The following AGBL1 variants were observed in gnomAD, a reference collection of about 807,000 sequenced individuals.
AGBL1 encodes the protein AGBL carboxypeptidase 1, also known as cytosolic carboxypeptidase 4.
AGBL1 carries 130 observed loss-of-function variants against 118.9 expected under a neutral mutation model. The ratio of observed to expected loss-of-function variants is 1.09; its 90% confidence interval spans 0.95 to 1.26. The LOEUF (loss-of-function observed/expected upper bound fraction) is 1.26, where lower values mean the gene tolerates loss of function less well. AGBL1 is among the 50% of genes most tolerant of loss of function. The pLI is 0.00. For synonymous variants in AGBL1, 555 were observed against 478.9 expected (o/e 1.16, Z -2.08); for missense variants, 1,584 against 1,298.1 (o/e 1.22, Z -3.38).
chr15:86,170,199 G>C (rs185255422), intron 5 of AGBL1, among the ~76,000 whole-genome samples: 1 of 152,342 alleles, frequency 6.6e-6, no homozygotes. Flanking sequence ...AACCTCTGGA[G>C]ATGAAATCTA....
At chr15:86,510,559 A>C (rs1156722129) in intron 18 of AGBL1, among the ~76,000 whole-genome samples, 2 of 152,124 alleles carry the variant, frequency 1.3e-5, no homozygotes, top group Non-Finnish European at 2.9e-5. Context: ...GAAGACTAGA[A>C]GTTCTATTGC....
At chr15:86,181,038 C>T (rs903755455) in intron 5 of AGBL1, among the ~76,000 whole-genome samples, 8 of 152,076 alleles carry the variant, frequency 5.3e-5, no homozygotes, top group Non-Finnish European at 7.4e-5. Flanking sequence ...CAAAGAAGAA[C>T]ACCAACACTC....
intron 17 of AGBL1, among the ~76,000 whole-genome samples, chr15:86,377,386 G>A (rs2081054735): frequency 6.6e-6 from 1 of 152,188 alleles, no homozygotes; most frequent in Admixed American, 6.5e-5. Flanking sequence ...CAGAATCAGA[G>A]CAGAGGGAGC....
chr15:86,694,516 A>C, intron 22 of AGBL1, among the ~76,000 whole-genome samples: 1 of 151,998 alleles, frequency 6.6e-6, no homozygotes, highest in East Asian at 1.9e-4. Context: ...AGGGTTTTGT[A>C]GGTATACGAT....
At chr15:87,018,050 A>AAAT (rs3030323) in intron 24 of AGBL1, among the ~76,000 whole-genome samples, 81,846 of 151,082 alleles carry the variant, frequency 0.54, 24,617 homozygotes, top group South Asian at 0.72. Context: ...TATCTTTCTA[A>AAAT]AATAGGCAGA....
At chr15:86,219,420 C>T (rs1396547907) in intron 5 of AGBL1, among the ~76,000 whole-genome samples, 1 of 152,166 alleles carries the variant, frequency 6.6e-6, no homozygotes. Flanking sequence ...TACTTTATCT[C>T]ACTCTTCACA....
At chr15:86,431,135 C>T (rs532724752) in intron 18 of AGBL1, among the ~76,000 whole-genome samples, 7 of 152,064 alleles carry the variant, frequency 4.6e-5, no homozygotes, top group South Asian at 2.2e-4. Flanking sequence ...GCTAACCCTT[C>T]GTAAGATCCC....
At chr15:86,115,826 G>T (rs1397405973) in intron 1 of AGBL1, among the ~76,000 whole-genome samples, 2 of 152,144 alleles carry the variant, frequency 1.3e-5, no homozygotes, top group East Asian at 3.9e-4. Context: ...ACTTTTCCAT[G>T]AAACTCCAGA....
chr15:86,152,204 T>C (rs1040532327), intron 3 of AGBL1, among the ~76,000 whole-genome samples: 2 of 152,192 alleles, frequency 1.3e-5, no homozygotes, highest in Non-Finnish European at 2.9e-5. Flanking sequence ...AGAGCATGCA[T>C]TGCCAAGACA....
chr15:86,272,501 T>C (rs2079177563), intron 15 of AGBL1, among the ~76,000 whole-genome samples: 1 of 152,216 alleles, frequency 6.6e-6, no homozygotes, highest in Non-Finnish European at 1.5e-5. Flanking sequence ...GTTTCATCTC[T>C]TTCTGAAATT....
At chr15:86,353,585 A>C (rs1218615002) in intron 17 of AGBL1, among the ~76,000 whole-genome samples, 1 of 152,188 alleles carries the variant, frequency 6.6e-6, no homozygotes, top group Non-Finnish European at 1.5e-5. Flanking sequence ...ATTATTTTGC[A>C]GTGTGTGTGA....
At chr15:86,887,786 T>C (rs2079991366) in intron 22 of AGBL1, among the ~76,000 whole-genome samples, 1 of 151,984 alleles carries the variant, frequency 6.6e-6, no homozygotes, top group Non-Finnish European at 1.5e-5. Context: ...TCAAAGGACT[T>C]CGACAATTCT....
At chr15:86,845,281 A>G (rs1211836445) in intron 22 of AGBL1, among the ~76,000 whole-genome samples, 1 of 152,116 alleles carries the variant, frequency 6.6e-6, no homozygotes, top group Non-Finnish European at 1.5e-5. Flanking sequence ...TAATACATGA[A>G]TAAGGGTGGT....
intron 22 of AGBL1, among the ~76,000 whole-genome samples, chr15:86,730,155 A>C (rs1252637387): frequency 3.3e-5 from 5 of 152,198 alleles, no homozygotes; most frequent in African/African-American, 1.2e-4. Flanking sequence ...TAAATGTAAG[A>C]TCTCGAATTA....
At chr15:86,957,861 G>A (rs1328848373) in intron 23 of AGBL1, among the ~76,000 whole-genome samples, 7 of 151,802 alleles carry the variant, frequency 4.6e-5, no homozygotes, top group Non-Finnish European at 1.0e-4. Flanking sequence ...TCTAAAATTC[G>A]TATGGAATAA....
intron 22 of AGBL1, among the ~76,000 whole-genome samples, chr15:86,676,783 C>T (rs2085856559): frequency 1.3e-5 from 2 of 152,048 alleles, no homozygotes; most frequent in African/African-American, 2.4e-5. Context: ...GGTGAGGGGG[C>T]TCTTCTCCAA....
At position 86,912,134 on chromosome 15, in the gene AGBL1, T is replaced by C. The variant is rs1288757081; in HGVS notation, c.*4840T>C. Reference sequence around the variant, plus strand: ...CCATCTCAAAGAAGAGTTTGTGTTATAGACAGGGAAACACAAAGAAGAGTT... The same window carrying C: ...CCATCTCAAAGAAGAGTTTGTGTTACAGACAGGGAAACACAAAGAAGAGTT... On this transcript the variant is annotated 3_prime_UTR_variant, in exon 23 of 23. Coordinates refer to ENST00000614907, the MANE Select transcript of AGBL1 (RefSeq NM_001386094.1). 2.0e-5 allele frequency: 3 copies of C among 152,144 alleles called. No individual in the cohort carries two copies. Among genetic ancestry groups the C allele is most frequent in the Non-Finnish European group, 4.4e-5 (3 of 68,022 alleles). The allele number at this position is 152,144 out of a possible 1,614,324, so 9.4% of individuals were successfully genotyped here. A position where few individuals can be genotyped will look rare whatever the true frequency, so the allele number is the denominator to read the frequency against.
At chr15:86,455,786 T>C (rs2082251713) in intron 18 of AGBL1, among the ~76,000 whole-genome samples, 1 of 152,124 alleles carries the variant, frequency 6.6e-6, no homozygotes, top group Admixed American at 6.5e-5. Flanking sequence ...AACATCTCCA[T>C]TTTATAGGTG....
At chr15:86,331,306 T>A (rs1190106251) in intron 17 of AGBL1, among the ~76,000 whole-genome samples, 1 of 150,406 alleles carries the variant, frequency 6.6e-6, no homozygotes, top group African/African-American at 2.5e-5. Context: ...GCATAGATAA[T>A]AATTCTCTCC....
Sources: gnomAD v4.1 joint callset for allele counts (sites outside exome capture counted in the v4.1 genomes callset) on GRCh38, gnomAD v4.1.1 for gene constraint, MANE v1.5 for transcripts, NCBI Gene and HGNC (gene_info 2026-07-23, HGNC 2026-07-21) for gene names.